UBA6: variants seen among roughly 807,000 people sequenced by gnomAD.
UBA6 encodes ubiquitin-like modifier-activating enzyme 6.
Under a neutral mutation model 148.3 loss-of-function variants are expected in UBA6, and 87 were observed. The ratio of observed to expected loss-of-function variants is 0.59; its 90% confidence interval spans 0.49 to 0.70. The LOEUF (loss-of-function observed/expected upper bound fraction) is 0.70, where lower values mean the gene tolerates loss of function less well. Ranked by LOEUF, UBA6 falls within the 30% of genes least tolerant of loss-of-function variation. UBA6 has a pLI of 0.00. For synonymous variants in UBA6, 376 were observed against 401.0 expected, an observed-to-expected ratio of 0.94 and a Z score of 0.75; for missense variants, 1,186 against 1,241.2, an observed-to-expected ratio of 0.96 and a Z score of 0.67.
chr4:67,696,922 T>A (rs1248412427), intron 1 of UBA6, among the ~76,000 whole-genome samples: 1 of 152,222 alleles, frequency 6.6e-6, no homozygotes, highest in Non-Finnish European at 1.5e-5. Flanking sequence ...GAGCTCATCA[T>A]CTTTTATTCT....
chr4:67,630,555 A>C lies in UBA6; in HGVS notation c.2259-20T>G. Reference sequence around the variant, plus strand: ...AGGTGCCTTTTGAAATTAAAAAATAAAGCAAAATTTGAATGTACAGTTTTA... The same window carrying C: ...AGGTGCCTTTTGAAATTAAAAAATACAGCAAAATTTGAATGTACAGTTTTA... On this transcript the variant is annotated intron_variant, in intron 25 of 32. Transcript: ENST00000322244. 2.0e-6 allele frequency: 3 copies of C among 1,531,620 alleles called. No homozygotes were observed. The highest frequency in any genetic ancestry group is 8.8e-7 in the Non-Finnish European group (1 of 1,130,896). 94.9% of individuals were successfully genotyped at this position (1,531,620 alleles called of 1,614,324 possible).
intron 21 of UBA6, 23 bp from the exon 22 acceptor site, chr4:67,634,345 A>C: frequency 6.4e-7 from 1 of 1,567,392 alleles, no homozygotes; most frequent in East Asian, 2.3e-5. Context: ...AAAGAAAAAA[A>C]AAATTACAAA....
chr4:67,696,468 T>C (rs1055827346), intron 2 of UBA6, among the ~76,000 whole-genome samples, 177 bp downstream of exon 2: 4 of 150,730 alleles, frequency 2.7e-5, no homozygotes, highest in Non-Finnish European at 5.9e-5. Context: ...TACATATACA[T>C]ATATACACAT....
chr4:67,658,052 A>G (rs868161731), intron 13 of UBA6, among the ~76,000 whole-genome samples: 1 of 152,182 alleles, frequency 6.6e-6, no homozygotes, highest in Non-Finnish European at 1.5e-5. Context: ...CAGATGCTGG[A>G]GAGGATGTGG....
intron 19 of UBA6, chr4:67,638,290 C>G (rs1729219956): frequency 6.4e-6 from 1 of 155,360 alleles, no homozygotes; most frequent in African/African-American, 2.4e-5. Flanking sequence ...CTGCTGCCCA[C>G]AAGCAGAGGG....
In UBA6 at chr4:67,623,131, T is replaced by C; in HGVS notation, c.2928+4A>G. On this transcript the variant is annotated splice_donor_region_variant and intron_variant, in intron 31 of 32. Transcript: ENST00000322244. ...AATGAACTAAATGAACAAAAGTATC[T>C]CACTTTGACTGCATTTATGAAATCC... 1 of 1,604,876 alleles carries C rather than the reference T, an allele frequency of 6.2e-7. No individual in the cohort carries two copies. Among genetic ancestry groups the C allele is most frequent in the South Asian group, 1.1e-5 (1 of 89,722 alleles).
chr4:67,670,655 T>C lies in UBA6; in HGVS notation c.547-63A>G, dbSNP rs1577827432. ...TAAAGAAAAAAACACTCTAGTATCT[T>C]AGGCCATTTCATAACAATTTAATTT... On this transcript the variant is annotated intron_variant, in intron 7 of 32. Coordinates refer to ENST00000322244, the MANE Select transcript of UBA6 (RefSeq NM_018227.6). 15 of 1,243,850 alleles carry C rather than the reference T, an allele frequency of 1.2e-5. No individual in the cohort carries two copies. In the East Asian group the frequency reaches 3.3e-4, roughly 27 times the overall value. 77.1% of individuals were successfully genotyped at this position (1,243,850 alleles called of 1,614,324 possible).
chr4:67,686,420 A>G (rs983563263), intron 2 of UBA6, among the ~76,000 whole-genome samples: 3 of 152,304 alleles, frequency 2.0e-5, no homozygotes, highest in East Asian at 1.9e-4. Flanking sequence ...ATGCACGCAT[A>G]TATTTATTAA....
At chr4:67,634,058 C>T (rs569856023) in intron 22 of UBA6, among the ~76,000 whole-genome samples, 184 bp downstream of exon 22, 2 of 151,970 alleles carry the variant, frequency 1.3e-5, no homozygotes, top group Non-Finnish European at 2.9e-5. Flanking sequence ...ATCGACAATT[C>T]CATGTAGTTC....
chr4:67,700,973 C>T (rs1400597466), intron 1 of UBA6, 76 bp downstream of exon 1: 3 of 1,583,908 alleles, frequency 1.9e-6, no homozygotes, highest in Admixed American at 3.4e-5. Context: ...CCCAGCCCGC[C>T]GGAAAGAAAG....
intron 13 of UBA6, among the ~76,000 whole-genome samples, chr4:67,656,126 C>G (rs192369919): frequency 2.6e-5 from 4 of 152,304 alleles, no homozygotes; most frequent in African/African-American, 9.6e-5. Flanking sequence ...GGAGCTGGTA[C>G]CATTCCTTCT....
At chr4:67,646,702 G>C (rs751981619) in intron 15 of UBA6, 22 bp downstream of exon 15, 2 of 1,584,508 alleles carry the variant, frequency 1.3e-6, no homozygotes, top group East Asian at 2.3e-5. Flanking sequence ...GTTAGTAAAA[G>C]CAAGAGAAAT....
At position 67,615,287 on chromosome 4, in the gene UBA6, T is replaced by C. The variant is rs1047785301; in HGVS notation, c.*3710A>G. 1.3e-5 allele frequency: 2 copies of C among 152,218 alleles called. No individual in the cohort carries two copies. The highest frequency in any genetic ancestry group is 4.8e-5 in the African/African-American group (2 of 41,446). The allele number at this position is 152,218 out of a possible 1,614,324, so 9.4% of individuals were successfully genotyped here. A position where few individuals can be genotyped will look rare whatever the true frequency, so the allele number is the denominator to read the frequency against. ...TAAAAATGATCTGGGACTTCCTCTA[T>C]TTCTCTCTTGCTCCTCTAGCCATGT... On this transcript the variant is annotated 3_prime_UTR_variant, in exon 33 of 33. Transcript: ENST00000322244.
At chr4:67,631,960 A>G in intron 23 of UBA6, 52 bp from the exon 24 acceptor site, 2 of 1,494,258 alleles carry the variant, frequency 1.3e-6, no homozygotes, top group Non-Finnish European at 1.8e-6. Flanking sequence ...TTATCTGAGG[A>G]AAAATTAAAA....
intron 7 of UBA6, among the ~76,000 whole-genome samples, chr4:67,670,899 C>A (rs138059869): frequency 2.0e-5 from 3 of 152,022 alleles, no homozygotes; most frequent in African/African-American, 7.2e-5. Context: ...AATTCAAGCA[C>A]AACATAAAAG....
At chr4:67,635,956 A>C (rs1397349001) in intron 19 of UBA6, among the ~76,000 whole-genome samples, 1 of 152,048 alleles carries the variant, frequency 6.6e-6, no homozygotes, top group Non-Finnish European at 1.5e-5. Flanking sequence ...TATTCTACAA[A>C]TTTTTATTTT....
intron 1 of UBA6, 100 bp from the exon 2 acceptor site, chr4:67,696,807 C>T (rs1730851339): frequency 1.2e-6 from 1 of 840,212 alleles, no homozygotes; most frequent in Non-Finnish European, 1.9e-6. Context: ...TTTTCACAAA[C>T]CAAACATATA....
At chr4:67,640,424 T>C (rs1729275062) in intron 18 of UBA6, among the ~76,000 whole-genome samples, 2 of 152,240 alleles carry the variant, frequency 1.3e-5, no homozygotes, top group Non-Finnish European at 2.9e-5. Flanking sequence ...TTACTAAGAC[T>C]TGCAATGAGT....
intron 27 of UBA6, 51 bp downstream of exon 27, chr4:67,629,020 C>T: frequency 7.7e-7 from 1 of 1,299,450 alleles, no homozygotes. Context: ...GGACTTGGTA[C>T]AAGTCCAAAT....
Sources: gnomAD v4.1 joint callset for allele counts (sites outside exome capture counted in the v4.1 genomes callset) on GRCh38, gnomAD v4.1.1 for gene constraint, MANE v1.5 for transcripts, NCBI Gene and HGNC (gene_info 2026-07-23, HGNC 2026-07-21) for gene names.